CSMD1: variants seen among roughly 807,000 people sequenced by gnomAD.
CSMD1 encodes CUB and sushi domain-containing protein 1.
CSMD1 carries 213 observed loss-of-function variants against 417.5 expected under a neutral mutation model. The observed-to-expected ratio is 0.51, with a 90% CI of 0.46 to 0.57. The LOEUF (loss-of-function observed/expected upper bound fraction) is 0.57, where lower values mean the gene tolerates loss of function less well. Ranked by LOEUF, CSMD1 falls within the 20% of genes least tolerant of loss-of-function variation. The pLI is 0.00. For missense variants in CSMD1, 6,923 were observed against 4,529.7 expected (o/e 1.53, Z -15.17); for synonymous variants, 2,862 against 1,736.8 (o/e 1.65, Z -16.11).
In CSMD1 at chr8:4,915,671, C is replaced by T. The variant is rs143471047; in HGVS notation, c.85+78661G>A. 4.8e-3 allele frequency among the ~76,000 whole-genome samples: 725 copies of T among 152,340 alleles called. 9 individuals carry two copies. The highest frequency in any genetic ancestry group is 0.016 in the African/African-American group (670 of 41,584). ...CAGACCTCGGACGAGGGAACGTTAGCGCCCGGCGGCAGTGGATTTCGGGAG... is the reference window on the plus strand; with the variant it reads ...CAGACCTCGGACGAGGGAACGTTAGTGCCCGGCGGCAGTGGATTTCGGGAG... On this transcript the variant is annotated intron_variant, in intron 1 of 69. Transcript: ENST00000635120.
At chr8:4,236,425 T>C (rs1442454250) in intron 3 of CSMD1, among the ~76,000 whole-genome samples, 1 of 152,114 alleles carries the variant, frequency 6.6e-6, no homozygotes, top group East Asian at 1.9e-4. Context: ...AGAATTTTTC[T>C]CCTACACCCC....
At chr8:3,290,461 A>G (rs1563231483) in intron 25 of CSMD1, among the ~76,000 whole-genome samples, 2 of 134,342 alleles carry the variant, frequency 1.5e-5, no homozygotes, top group South Asian at 4.8e-4. Context: ...ACCTATGAGC[A>G]TGGAATGTTC....
chr8:3,601,281 C>T (rs76758786), intron 8 of CSMD1, among the ~76,000 whole-genome samples: 2,738 of 152,236 alleles, frequency 0.018, 46 homozygotes, highest in Non-Finnish European at 0.026. Context: ...ATTTTTGCTG[C>T]GGGGAAACAA....
At chr8:4,733,088 T>C (rs1810009198) in intron 1 of CSMD1, among the ~76,000 whole-genome samples, 1 of 152,168 alleles carries the variant, frequency 6.6e-6, no homozygotes, top group Non-Finnish European at 1.5e-5. Flanking sequence ...TTTAAAATGC[T>C]GATATTAAAG....
chr8:4,961,150 C>G (rs560981675), intron 1 of CSMD1, among the ~76,000 whole-genome samples: 1 of 152,270 alleles, frequency 6.6e-6, no homozygotes, highest in Admixed American at 6.5e-5. Context: ...TTACCTTGAA[C>G]AACTTTTTGT....
intron 30 of CSMD1, among the ~76,000 whole-genome samples, chr8:3,210,944 A>G (rs1016290880): frequency 6.6e-6 from 1 of 152,006 alleles, no homozygotes; most frequent in African/African-American, 2.4e-5. Context: ...TAGACTCTAT[A>G]TAATTGCTAA....
At chr8:4,245,621 A>G (rs376823556) in intron 3 of CSMD1, among the ~76,000 whole-genome samples, 139 of 152,324 alleles carry the variant, frequency 9.1e-4, no homozygotes, top group African/African-American at 3.3e-3. Context: ...CAACAATGTC[A>G]TAATCAAACC....
At position 3,936,793 on chromosome 8, in the gene CSMD1, G is replaced by C. The variant is rs544505028; in HGVS notation, c.818+61110C>G. On this transcript the variant is annotated intron_variant, in intron 5 of 69. Transcript: ENST00000635120. ...GAAAAACTTTTGACTTTCAATTATT[G>C]TTATTTAAGAAATATGTTTCATAAG... Among the ~76,000 whole-genome samples the C allele has an allele frequency of 9.2e-5, 14 of 152,186 alleles. 1 individual carries two copies. The highest frequency in any genetic ancestry group is 1.6e-4 in the Non-Finnish European group (11 of 67,976).
intron 11 of CSMD1, among the ~76,000 whole-genome samples, chr8:3,492,548 G>GTATT (rs201341465): frequency 0.069 from 10,502 of 152,252 alleles, 717 homozygotes; most frequent in East Asian, 0.26. Flanking sequence ...ATAAGAGCAG[G>GTATT]TATTTCCTTT....
intron 46 of CSMD1, 143 bp downstream of exon 46, chr8:3,106,384 TA>T: frequency 1.8e-6 from 1 of 551,036 alleles, no homozygotes; most frequent in Non-Finnish European, 3.1e-6. Flanking sequence ...GGTGACAGAG[TA>T]AGACCCTATC....
intron 3 of CSMD1, among the ~76,000 whole-genome samples, chr8:4,112,076 T>G (rs1451908255): frequency 6.6e-6 from 1 of 152,180 alleles, no homozygotes; most frequent in Admixed American, 6.5e-5. Context: ...GAGGCTAGTC[T>G]TGAAATAAAA....
intron 29 of CSMD1, among the ~76,000 whole-genome samples, chr8:3,216,425 G>A (rs1376098822): frequency 6.6e-6 from 1 of 152,074 alleles, no homozygotes; most frequent in Non-Finnish European, 1.5e-5. Context: ...AAATTTCCCA[G>A]TACACATCTA....
intron 5 of CSMD1, among the ~76,000 whole-genome samples, chr8:3,940,003 C>T (rs543497196): frequency 3.9e-5 from 6 of 152,046 alleles, no homozygotes; most frequent in African/African-American, 1.4e-4. Flanking sequence ...ACCCCAAAAA[C>T]TACTGAAATA....
intron 1 of CSMD1, among the ~76,000 whole-genome samples, chr8:4,705,718 C>T (rs1223535547): frequency 6.6e-6 from 1 of 152,068 alleles, no homozygotes; most frequent in South Asian, 2.1e-4. Context: ...CGTCTGAAAC[C>T]ATTTGGACAT....
At chr8:4,058,511 C>G (rs1358826112) in intron 3 of CSMD1, among the ~76,000 whole-genome samples, 1 of 152,072 alleles carries the variant, frequency 6.6e-6, no homozygotes, top group Non-Finnish European at 1.5e-5. Flanking sequence ...CTTTTCCTAA[C>G]TGAATACCCT....
At chr8:3,318,223 T>G (rs1025993833) in intron 23 of CSMD1, among the ~76,000 whole-genome samples, 5 of 152,232 alleles carry the variant, frequency 3.3e-5, no homozygotes, top group Admixed American at 6.5e-5. Flanking sequence ...ATAGTATAAC[T>G]TCTTACTATA....
At chr8:3,257,404 C>A (rs1308156875) in intron 26 of CSMD1, among the ~76,000 whole-genome samples, 1 of 152,240 alleles carries the variant, frequency 6.6e-6, no homozygotes, top group Non-Finnish European at 1.5e-5. Flanking sequence ...AAATTAGGAT[C>A]TCTTTCCTTG....
intron 5 of CSMD1, among the ~76,000 whole-genome samples, chr8:3,977,995 A>T (rs1813571938): frequency 6.6e-6 from 1 of 152,192 alleles, no homozygotes; most frequent in South Asian, 2.1e-4. Context: ...CCATGAGAGC[A>T]TCTCATAGCT....
intron 1 of CSMD1, among the ~76,000 whole-genome samples, chr8:4,889,875 A>T (rs1289198724): frequency 6.6e-6 from 1 of 152,144 alleles, no homozygotes; most frequent in Non-Finnish European, 1.5e-5. Context: ...TGAAACAGAG[A>T]ATCAAAATGT....
Sources: allele counts gnomAD v4.1 joint callset (sites outside exome capture counted in the v4.1 genomes callset), GRCh38; gene constraint gnomAD v4.1.1; transcripts MANE v1.5; gene names NCBI Gene and HGNC (gene_info 2026-07-23, HGNC 2026-07-21).